Variants in SEMA3E observed in about 807,000 individuals in gnomAD.
SEMA3E encodes semaphorin-3E.
Under a neutral mutation model 93.6 loss-of-function variants are expected in SEMA3E, and 49 were observed. The ratio of observed to expected loss-of-function variants is 0.52; its 90% CI spans 0.42 to 0.66. The LOEUF (loss-of-function observed/expected upper bound fraction) is 0.66. Among genes scored for constraint, SEMA3E ranks in the 30% least tolerant of loss-of-function variants. The pLI, the probability that SEMA3E is intolerant of heterozygous loss-of-function variation, is 0.00. For missense variants in SEMA3E, 906 were observed against 964.8 expected (o/e 0.94, Z 0.81); for synonymous variants, 363 against 330.7 (o/e 1.10, Z -1.06).
At chr7:83,511,246 GT>G (rs1432927151) in intron 1 of SEMA3E, among the ~76,000 whole-genome samples, 1 of 148,438 alleles carries the variant, frequency 6.7e-6, no homozygotes, top group South Asian at 2.1e-4. Context: ...GCTTGCCAAT[GT>G]TACAAATGAA....
intron 1 of SEMA3E, among the ~76,000 whole-genome samples, chr7:83,547,014 A>G (rs1368688544): frequency 6.6e-6 from 1 of 152,130 alleles, no homozygotes; most frequent in African/African-American, 2.4e-5. Flanking sequence ...ATGATAAGCA[A>G]TGATAAGCAA....
chr7:83,511,322 G>A (rs576657137), intron 1 of SEMA3E, among the ~76,000 whole-genome samples: 1 of 149,922 alleles, frequency 6.7e-6, no homozygotes, highest in Non-Finnish European at 1.5e-5. Context: ...AGACATTTTA[G>A]GATGAAAAGA....
intron 4 of SEMA3E, chr7:83,462,092 T>TCTGA: frequency 6.6e-6 from 1 of 152,346 alleles, no homozygotes; most frequent in South Asian, 2.1e-4. Flanking sequence ...CCCAAGGCTC[T>TCTGA]CTGACTCCTT....
chr7:83,516,722 T>C (rs1280792881), intron 1 of SEMA3E, among the ~76,000 whole-genome samples: 2 of 152,108 alleles, frequency 1.3e-5, no homozygotes, highest in Non-Finnish European at 2.9e-5. Flanking sequence ...TCAACATTAG[T>C]GGAGACAAAA....
chr7:83,417,752 T>C (rs1046164628), intron 5 of SEMA3E, among the ~76,000 whole-genome samples: 2 of 152,170 alleles, frequency 1.3e-5, no homozygotes, highest in African/African-American at 4.8e-5. Context: ...AAAATATTAC[T>C]TAGTTGTGTC....
intron 1 of SEMA3E, among the ~76,000 whole-genome samples, chr7:83,607,345 C>G (rs573682729): frequency 6.6e-6 from 1 of 152,172 alleles, no homozygotes; most frequent in African/African-American, 2.4e-5. Context: ...TAAAATTCTT[C>G]TCCACTCACT....
intron 2 of SEMA3E, among the ~76,000 whole-genome samples, chr7:83,479,580 C>T (rs546724336): frequency 1.3e-5 from 2 of 152,260 alleles, no homozygotes; most frequent in Admixed American, 6.5e-5. Flanking sequence ...AATATTAAGG[C>T]GGTGCTTACT....
At chr7:83,500,591 T>TTTA (rs1344909173) in intron 1 of SEMA3E, among the ~76,000 whole-genome samples, 1 of 5,978 alleles carries the variant, frequency 1.7e-4, no homozygotes, top group Non-Finnish European at 4.7e-4. Context: ...ACTTTCTTCC[T>TTTA]TTTTTTTTTT....
At chr7:83,589,098 GCT>G (rs902761356) in intron 1 of SEMA3E, among the ~76,000 whole-genome samples, 21 of 152,248 alleles carry the variant, frequency 1.4e-4, no homozygotes, top group African/African-American at 5.1e-4. Flanking sequence ...CGCCGCCTCA[GCT>G]CTGAGTACTT....
chr7:83,517,295 G>T (rs1449953184), intron 1 of SEMA3E, among the ~76,000 whole-genome samples: 1 of 152,112 alleles, frequency 6.6e-6, no homozygotes, highest in Non-Finnish European at 1.5e-5. Flanking sequence ...AATTGGCTTT[G>T]CAGAAGCAGA....
At chr7:83,598,222 T>G (rs73708505) in intron 1 of SEMA3E, among the ~76,000 whole-genome samples, 2,044 of 152,256 alleles carry the variant, frequency 0.013, 43 homozygotes, top group African/African-American at 0.047. Context: ...ATGGCACAGA[T>G]GGGCACCAGG....
chr7:83,442,418 T>C (rs1789133416), intron 4 of SEMA3E, among the ~76,000 whole-genome samples: 1 of 152,124 alleles, frequency 6.6e-6, no homozygotes, highest in East Asian at 1.9e-4. Context: ...GGCAGGCAAT[T>C]TTCTGTTTAA....
chr7:83,593,230 C>CTCTCTCTT (rs1372110056), intron 1 of SEMA3E, among the ~76,000 whole-genome samples: 1 of 149,644 alleles, frequency 6.7e-6, no homozygotes, highest in African/African-American at 2.5e-5. Context: ...ACCTCTCTCT[C>CTCTCTCTT]TCTCTCTTTC....
At chr7:83,521,816 C>G (rs957890383) in intron 1 of SEMA3E, among the ~76,000 whole-genome samples, 1 of 152,086 alleles carries the variant, frequency 6.6e-6, no homozygotes, top group Non-Finnish European at 1.5e-5. Flanking sequence ...GAGGGCCCCA[C>G]CTTATGACTT....
At chr7:83,609,141 T>C (rs928175548) in intron 1 of SEMA3E, among the ~76,000 whole-genome samples, 2 of 152,074 alleles carry the variant, frequency 1.3e-5, no homozygotes, top group Non-Finnish European at 2.9e-5. Flanking sequence ...CTACTGTATA[T>C]TTTATCATAT....
At chr7:83,485,028 G>T (rs1415000408) in intron 2 of SEMA3E, among the ~76,000 whole-genome samples, 1 of 152,092 alleles carries the variant, frequency 6.6e-6, no homozygotes, top group Non-Finnish European at 1.5e-5. Flanking sequence ...AAAGCTATTT[G>T]GCATTATCTT....
intron 2 of SEMA3E, among the ~76,000 whole-genome samples, chr7:83,487,812 TAGAA>T (rs1790298357): frequency 1.3e-5 from 2 of 151,558 alleles, no homozygotes; most frequent in African/African-American, 2.4e-5. Flanking sequence ...ATAAAGACAT[TAGAA>T]AGAAAGGAAA....
At chr7:83,402,230 T>C (rs1007393679) in intron 10 of SEMA3E, among the ~76,000 whole-genome samples, 2 of 152,082 alleles carry the variant, frequency 1.3e-5, no homozygotes, top group South Asian at 2.1e-4. Context: ...TGTTAGAACA[T>C]AAAAATTTGG....
chr7:83,452,474 G>A (rs1266952813), intron 4 of SEMA3E, among the ~76,000 whole-genome samples: 1 of 152,108 alleles, frequency 6.6e-6, no homozygotes, highest in Non-Finnish European at 1.5e-5. Context: ...TAAGCATCAC[G>A]CTGTTTCTCT....
Sources: gnomAD v4.1 joint callset for allele counts (sites outside exome capture counted in the v4.1 genomes callset) on GRCh38, gnomAD v4.1.1 for gene constraint, MANE v1.5 for transcripts, NCBI Gene and HGNC (gene_info 2026-07-23, HGNC 2026-07-21) for gene names.